Variants in SLC22A3 observed in about 807,000 individuals in gnomAD.
The protein encoded by SLC22A3 is solute carrier family 22 member 3.
Under a neutral mutation model 59.1 loss-of-function variants are expected in SLC22A3, and 51 were observed. That is an observed-to-expected ratio of 0.86 (90% CI 0.69 to 1.09). The LOEUF (loss-of-function observed/expected upper bound fraction) is 1.09, where lower values mean the gene tolerates loss of function less well. Ranked by LOEUF, SLC22A3 falls within the 50% of genes least tolerant of loss-of-function variation. The pLI, the probability that SLC22A3 is intolerant of heterozygous loss-of-function variation, is 0.00. For synonymous variants in SLC22A3, 325 were observed against 292.0 expected, an observed-to-expected ratio of 1.11 and a Z score of -1.15; for missense variants, 711 against 726.3, an observed-to-expected ratio of 0.98 and a Z score of 0.24.
intron 5 of SLC22A3, among the ~76,000 whole-genome samples, chr6:160,424,180 C>T (rs1212736642): frequency 5.3e-5 from 8 of 152,062 alleles, no homozygotes. Flanking sequence ...GCCACAGATC[C>T]TAGGGATTAT....
At chr6:160,411,802 A>G (rs977789561) in intron 5 of SLC22A3, among the ~76,000 whole-genome samples, 1 of 152,196 alleles carries the variant, frequency 6.6e-6, no homozygotes, top group Non-Finnish European at 1.5e-5. Context: ...CCTTTGGAAT[A>G]TTTGATATGC....
chr6:160,451,872 G>C lies in SLC22A3; in HGVS notation c.*816G>C, dbSNP rs1407703753. ...TTACTAAACAAATCCCATGGATTCTGATTTCTGGGTCTTAGGATTTTAAAA... is the reference window on the plus strand; with the variant it reads ...TTACTAAACAAATCCCATGGATTCTCATTTCTGGGTCTTAGGATTTTAAAA... On this transcript the variant is annotated 3_prime_UTR_variant, in exon 11 of 11. Coordinates refer to ENST00000275300, the MANE Select transcript of SLC22A3 (RefSeq NM_021977.4). The C allele has an allele frequency of 6.6e-6, 1 of 152,166 alleles. No individual in the cohort carries two copies. Among genetic ancestry groups the C allele is most frequent in the East Asian group, 1.9e-4 (1 of 5,198 alleles). 9.4% of individuals were successfully genotyped at this position (152,166 alleles called of 1,614,324 possible). A position where few individuals can be genotyped will look rare whatever the true frequency, so the allele number is the denominator to read the frequency against.
intron 1 of SLC22A3, among the ~76,000 whole-genome samples, chr6:160,356,777 G>T (rs1282290866): frequency 6.6e-6 from 1 of 152,186 alleles, no homozygotes; most frequent in East Asian, 1.9e-4. Context: ...ATGGTCTTTG[G>T]TGTGGCTTTT....
intron 1 of SLC22A3, among the ~76,000 whole-genome samples, chr6:160,363,185 G>A (rs1785082460): frequency 6.6e-6 from 1 of 152,266 alleles, no homozygotes. Flanking sequence ...TCCAGCAGGA[G>A]CTGGGATGAA....
At chr6:160,450,939 C>G in intron 10 of SLC22A3, 57 bp from the exon 11 acceptor site, 11 of 1,464,820 alleles carry the variant, frequency 7.5e-6, no homozygotes, top group South Asian at 1.2e-5. Flanking sequence ...TAACAGAACA[C>G]CCTCTTCTAA....
Position 160,448,925 on chromosome 6 carries a change from A to T in SLC22A3, c.1610+1107A>T, listed in dbSNP as rs145828284. Among the ~76,000 whole-genome samples, 78 of 152,310 alleles carry T rather than the reference A, an allele frequency of 5.1e-4. No homozygotes were observed. The East Asian group carries it at 0.011, about 22-fold the overall frequency. The stretch of plus-strand genomic sequence containing the variant: ...AAAAAATGATGTAACAGCTAATTTA[A>T]CAACTAAAAAGCAATCTTAATAATG... On this transcript the variant is annotated intron_variant, in intron 10 of 10. Transcript: ENST00000275300.
intron 4 of SLC22A3, among the ~76,000 whole-genome samples, chr6:160,409,330 G>A (rs1583487348): frequency 9.6e-6 from 1 of 104,702 alleles, no homozygotes. Context: ...TTTCATCCAT[G>A]TCCCTACAAA....
At chr6:160,362,152 CA>C (rs2114753640) in intron 1 of SLC22A3, among the ~76,000 whole-genome samples, 1 of 152,324 alleles carries the variant, frequency 6.6e-6, no homozygotes, top group African/African-American at 2.4e-5. Context: ...AGGGGTCACC[CA>C]GGGATGCTGC....
intron 7 of SLC22A3, 47 bp downstream of exon 7, chr6:160,437,258 C>G: frequency 6.3e-7 from 1 of 1,575,084 alleles, no homozygotes; most frequent in South Asian, 1.1e-5. Context: ...CTTGAAAACA[C>G]CTAAATCCAC....
chr6:160,362,710 C>T (rs1006976671), intron 1 of SLC22A3, among the ~76,000 whole-genome samples: 9 of 152,222 alleles, frequency 5.9e-5, no homozygotes, highest in African/African-American at 2.2e-4. Context: ...AGGAGGAAGA[C>T]TGTGTCCAGG....
intron 1 of SLC22A3, among the ~76,000 whole-genome samples, chr6:160,395,394 A>G (rs1388196049): frequency 2.6e-5 from 4 of 152,228 alleles, no homozygotes; most frequent in Non-Finnish European, 4.4e-5. Flanking sequence ...TAACTCAGCT[A>G]TTTGAAGTAC....
intron 1 of SLC22A3, among the ~76,000 whole-genome samples, chr6:160,385,591 C>T (rs2114804753): frequency 6.6e-6 from 1 of 152,336 alleles, no homozygotes; most frequent in South Asian, 2.1e-4. Flanking sequence ...CAGGACCAAG[C>T]TTCCTCGGCC....
chr6:160,377,944 T>A (rs1785659544), intron 1 of SLC22A3, among the ~76,000 whole-genome samples: 1 of 152,238 alleles, frequency 6.6e-6, no homozygotes, highest in South Asian at 2.1e-4. Flanking sequence ...GTTATGTTCC[T>A]CCTGTAAACC....
At chr6:160,444,110 G>A (rs1788655567) in intron 9 of SLC22A3, among the ~76,000 whole-genome samples, 1 of 152,150 alleles carries the variant, frequency 6.6e-6, no homozygotes, top group Admixed American at 6.5e-5. Context: ...TGAGGGCCAG[G>A]TGCAGTGGCT....
chr6:160,375,026 C>T (rs1018234), intron 1 of SLC22A3, among the ~76,000 whole-genome samples: 49,214 of 151,956 alleles, frequency 0.32, 8,276 homozygotes, highest in African/African-American at 0.41. Context: ...CAACCACTTC[C>T]GTCCTAATGG....
At chr6:160,419,402 G>T (rs1787638138) in intron 5 of SLC22A3, among the ~76,000 whole-genome samples, 1 of 152,154 alleles carries the variant, frequency 6.6e-6, no homozygotes, top group Non-Finnish European at 1.5e-5. Context: ...AGCCCATCGG[G>T]GATGGTGGTA....
intron 5 of SLC22A3, among the ~76,000 whole-genome samples, chr6:160,413,725 G>C (rs1364736551): frequency 6.6e-6 from 1 of 152,166 alleles, no homozygotes; most frequent in Non-Finnish European, 1.5e-5. Flanking sequence ...TGGGAGCAAA[G>C]ATGGGGCCAT....
intron 1 of SLC22A3, among the ~76,000 whole-genome samples, chr6:160,392,826 C>T (rs1786315194): frequency 6.6e-6 from 1 of 152,124 alleles, no homozygotes; most frequent in Non-Finnish European, 1.5e-5. Context: ...TGGAGGTCTA[C>T]ATGTCATTGT....
rs1368748244 is a variant in SLC22A3, at chr6:160,348,729, G to A, written c.310G>A (p.Ala104Thr). 6.5e-7 allele frequency: 1 copy of A among 1,528,122 alleles called. No individual in the cohort carries two copies. Among genetic ancestry groups the A allele is most frequent in the South Asian group, 1.2e-5 (1 of 83,344 alleles). 94.7% of individuals were successfully genotyped at this position (1,528,122 alleles called of 1,614,324 possible). The change falls in exon 1 of 11, where the codon GCC becomes ACC. Residue 104 changes from alanine to threonine, a missense_variant. Physicochemically the swap from Ala to Thr is moderately conservative, Grantham distance 58. Transcript: ENST00000275300. ...LLEAANDSASATSALSCADPL... is the reference protein window; with the variant it reads ...LLEAANDSASTTSALSCADPL... ...GGAGGCGGCCAACGACAGCGCCTCC[G>A]CCACTAGCGCTCTCAGCTGCGCGGA...
Sources: gnomAD v4.1 joint callset for allele counts (sites outside exome capture counted in the v4.1 genomes callset) on GRCh38, gnomAD v4.1.1 for gene constraint, MANE v1.5 for transcripts, NCBI Gene and HGNC (gene_info 2026-07-23, HGNC 2026-07-21) for gene names.